The following NKAIN3 variants were observed in gnomAD, a reference collection of about 807,000 sequenced individuals.
The protein encoded by NKAIN3 is sodium/potassium transporting ATPase interacting 3.
NKAIN3 carries 25 observed loss-of-function variants against 30.2 expected under a neutral mutation model. The ratio of observed to expected loss-of-function variants is 0.83; its 90% CI spans 0.60 to 1.16. The LOEUF (loss-of-function observed/expected upper bound fraction) is 1.16. Among genes scored for constraint, NKAIN3 ranks in the 50% most tolerant of loss-of-function variants. The probability of loss-of-function intolerance (pLI) is 0.00; values close to 1 mark genes in which losing one functional copy is unlikely to be tolerated. For missense variants in NKAIN3, 225 were observed against 254.1 expected, an observed-to-expected ratio of 0.89 and a Z score of 0.78; for synonymous variants, 91 against 89.6, an observed-to-expected ratio of 1.02 and a Z score of -0.09.
intron 1 of NKAIN3, among the ~76,000 whole-genome samples, chr8:62,419,571 G>T (rs1041668122): frequency 6.6e-6 from 1 of 152,296 alleles, no homozygotes; most frequent in East Asian, 1.9e-4. Context: ...GCTGCTAATA[G>T]GTTGTACATT....
At chr8:62,724,506 C>T (rs1485780354) in intron 3 of NKAIN3, among the ~76,000 whole-genome samples, 1 of 151,924 alleles carries the variant, frequency 6.6e-6, no homozygotes, top group African/African-American at 2.4e-5. Context: ...TTTTGGTAAC[C>T]ATTTACCATC....
intron 4 of NKAIN3, among the ~76,000 whole-genome samples, chr8:62,815,155 C>T (rs1818634752): frequency 6.6e-6 from 1 of 151,978 alleles, no homozygotes; most frequent in African/African-American, 2.4e-5. Context: ...ATACACCCTC[C>T]CAAGACTAAA....
intron 3 of NKAIN3, among the ~76,000 whole-genome samples, chr8:62,745,623 T>C (rs1319882625): frequency 6.6e-6 from 1 of 152,226 alleles, no homozygotes; most frequent in Non-Finnish European, 1.5e-5. Context: ...CCTTCATACA[T>C]TAACACCCCA....
intron 1 of NKAIN3, among the ~76,000 whole-genome samples, chr8:62,460,133 C>A (rs1805945110): frequency 6.6e-6 from 1 of 152,020 alleles, no homozygotes; most frequent in South Asian, 2.1e-4. Context: ...AAACTGGCAG[C>A]CAGGTGTGGT....
At chr8:62,879,211 G>T (rs1040237890) in intron 4 of NKAIN3, among the ~76,000 whole-genome samples, 1 of 152,156 alleles carries the variant, frequency 6.6e-6, no homozygotes, top group Admixed American at 6.5e-5. Flanking sequence ...ATTCTAACTG[G>T]TGTGAGATGG....
chr8:62,383,314 A>G (rs576470757), intron 1 of NKAIN3, among the ~76,000 whole-genome samples: 6 of 152,200 alleles, frequency 3.9e-5, no homozygotes, highest in African/African-American at 1.4e-4. Flanking sequence ...TTTTCCCTTG[A>G]AGGCTTGGAG....
intron 5 of NKAIN3, among the ~76,000 whole-genome samples, chr8:62,936,957 C>T (rs1310664080): frequency 1.3e-5 from 2 of 151,940 alleles, no homozygotes; most frequent in Non-Finnish European, 2.9e-5. Context: ...CTTTTTAGGA[C>T]TTTGCCTAAA....
At chr8:62,874,281 G>A (rs1820730447) in intron 4 of NKAIN3, among the ~76,000 whole-genome samples, 1 of 152,114 alleles carries the variant, frequency 6.6e-6, no homozygotes, top group Admixed American at 6.5e-5. Flanking sequence ...ACTAAACCAA[G>A]AGGAAGTTGA....
At chr8:62,927,371 A>G (rs946606229) in intron 5 of NKAIN3, among the ~76,000 whole-genome samples, 1 of 152,244 alleles carries the variant, frequency 6.6e-6, no homozygotes, top group Non-Finnish European at 1.5e-5. Context: ...TCTCTTGAAC[A>G]GCACATATTT....
intron 1 of NKAIN3, among the ~76,000 whole-genome samples, chr8:62,518,644 G>A (rs1245153100): frequency 6.6e-6 from 1 of 151,984 alleles, no homozygotes; most frequent in Non-Finnish European, 1.5e-5. Context: ...AAGTACATTA[G>A]GGATCAAAAG....
intron 1 of NKAIN3, among the ~76,000 whole-genome samples, chr8:62,552,027 A>G (rs1809231330): frequency 6.6e-6 from 1 of 152,158 alleles, no homozygotes; most frequent in Admixed American, 6.6e-5. Context: ...TTGATCCAGG[A>G]CATAATTCAT....
At chr8:62,463,413 A>G (rs1048094106) in intron 1 of NKAIN3, among the ~76,000 whole-genome samples, 11 of 152,208 alleles carry the variant, frequency 7.2e-5, no homozygotes, top group Admixed American at 2.0e-4. Flanking sequence ...CTATCATATT[A>G]TAACAGTGCT....
At chr8:62,412,909 C>CA (rs71501599) in intron 1 of NKAIN3, among the ~76,000 whole-genome samples, 55,612 of 97,152 alleles carry the variant, frequency 0.57, 13,614 homozygotes, top group South Asian at 0.64. Flanking sequence ...GAGACTCCGT[C>CA]AAAAAAAAAA....
At chr8:62,800,576 A>G (rs1250629300) in intron 4 of NKAIN3, among the ~76,000 whole-genome samples, 1 of 152,184 alleles carries the variant, frequency 6.6e-6, no homozygotes, top group Non-Finnish European at 1.5e-5. Context: ...TCTACTATAA[A>G]TTCACTACGG....
chr8:62,257,361 A>G (rs1812296210), intron 1 of NKAIN3, among the ~76,000 whole-genome samples: 1 of 152,158 alleles, frequency 6.6e-6, no homozygotes, highest in Non-Finnish European at 1.5e-5. Flanking sequence ...TACTTATTTC[A>G]CCTTTTGTTT....
intron 1 of NKAIN3, among the ~76,000 whole-genome samples, chr8:62,329,703 G>A (rs1444647500): frequency 1.3e-5 from 2 of 152,068 alleles, no homozygotes; most frequent in Non-Finnish European, 2.9e-5. Context: ...ATATTCCATT[G>A]TGTATATGTA....
At chr8:62,924,905 A>G (rs1455335603) in intron 5 of NKAIN3, among the ~76,000 whole-genome samples, 1 of 152,134 alleles carries the variant, frequency 6.6e-6, no homozygotes, top group African/African-American at 2.4e-5. Context: ...GGTCTCTTTT[A>G]TAAGGGCACT....
At chr8:62,860,614 T>G (rs1360838691) in intron 4 of NKAIN3, among the ~76,000 whole-genome samples, 2 of 152,198 alleles carry the variant, frequency 1.3e-5, no homozygotes, top group African/African-American at 2.4e-5. Context: ...TCCCACTTCT[T>G]CCTGCTAAAC....
At chr8:62,569,618 A>T (rs1198646468) in intron 1 of NKAIN3, among the ~76,000 whole-genome samples, 1 of 152,152 alleles carries the variant, frequency 6.6e-6, no homozygotes, top group African/African-American at 2.4e-5. Flanking sequence ...TCTACTAAAA[A>T]TACAAAAATT....
Sources: allele counts gnomAD v4.1 joint callset (sites outside exome capture counted in the v4.1 genomes callset), GRCh38; gene constraint gnomAD v4.1.1; transcripts MANE v1.5; gene names NCBI Gene and HGNC (gene_info 2026-07-23, HGNC 2026-07-21).